RAB31: variants seen among roughly 807,000 people sequenced by gnomAD.
RAB31 encodes RAB31, member RAS oncogene family.
A neutral mutation model predicts 25.6 loss-of-function variants in RAB31; 21 were observed. The observed-to-expected ratio is 0.82, with a 90% confidence interval of 0.58 to 1.18. The LOEUF (loss-of-function observed/expected upper bound fraction) is 1.18, where lower values mean the gene tolerates loss of function less well. Among genes scored for constraint, RAB31 ranks in the 50% most tolerant of loss-of-function variants. RAB31 has a pLI of 0.00. For synonymous variants in RAB31, 87 were observed against 84.0 expected (o/e 1.04, Z -0.20); for missense variants, 196 against 250.1 (o/e 0.78, Z 1.46).
intron 5 of RAB31, among the ~76,000 whole-genome samples, chr18:9,840,844 T>TG (rs2068729791): frequency 6.6e-6 from 1 of 152,168 alleles, no homozygotes; most frequent in Admixed American, 6.5e-5. Context: ...TTCACTAGAA[T>TG]GGACTCACAG....
At chr18:9,818,024 C>T (rs1403892429) in intron 5 of RAB31, among the ~76,000 whole-genome samples, 1 of 152,116 alleles carries the variant, frequency 6.6e-6, no homozygotes, top group African/African-American at 2.4e-5. Flanking sequence ...GAATGTGGCT[C>T]CTCAAGATCC....
intron 6 of RAB31, among the ~76,000 whole-genome samples, chr18:9,858,062 G>A (rs1432199322): frequency 6.6e-6 from 1 of 152,136 alleles, no homozygotes; most frequent in Non-Finnish European, 1.5e-5. Flanking sequence ...TTTAGAGCTA[G>A]TGTTTCATGC....
At chr18:9,757,516 T>C (rs1650655373) in intron 1 of RAB31, among the ~76,000 whole-genome samples, 1 of 152,200 alleles carries the variant, frequency 6.6e-6, no homozygotes, top group Non-Finnish European at 1.5e-5. Flanking sequence ...TCCTGCAGAT[T>C]CCTTTTTTGG....
In RAB31 at chr18:9,758,985, A is replaced by G. The variant is rs113061292; in HGVS notation, c.40-16293A>G. 9.7e-3 allele frequency among the ~76,000 whole-genome samples: 1,480 copies of G among 152,194 alleles called. 16 individuals carry two copies. Among genetic ancestry groups the G allele is most frequent in the Non-Finnish European group, 0.016 (1,094 of 68,000 alleles). On this transcript the variant is annotated intron_variant, in intron 1 of 6. Transcript: ENST00000578921. ...ACAGGAAGTAGGGCAGTAGAAGATTAGACAGAATTGATAATCTTTGAGATC... is the reference window on the plus strand; with the variant it reads ...ACAGGAAGTAGGGCAGTAGAAGATTGGACAGAATTGATAATCTTTGAGATC...
chr18:9,825,429 GA>G (rs1420024620), intron 5 of RAB31, among the ~76,000 whole-genome samples: 7 of 151,800 alleles, frequency 4.6e-5, no homozygotes, highest in African/African-American at 1.7e-4. Flanking sequence ...GTCTTGCAAA[GA>G]AAAAAAGAGA....
chr18:9,751,012 A>C (rs1000574616), intron 1 of RAB31, among the ~76,000 whole-genome samples: 1 of 151,974 alleles, frequency 6.6e-6, no homozygotes, highest in Non-Finnish European at 1.5e-5. Flanking sequence ...TTTTTCTTTC[A>C]TGCCTCTTTT....
chr18:9,822,912 C>A (rs2068630950), intron 5 of RAB31, among the ~76,000 whole-genome samples: 1 of 152,148 alleles, frequency 6.6e-6, no homozygotes, highest in African/African-American at 2.4e-5. Context: ...CATTCACGGG[C>A]ATTTATCCTG....
chr18:9,849,447 A>T (rs77543199), intron 6 of RAB31: 1 of 152,118 alleles, frequency 6.6e-6, no homozygotes, highest in South Asian at 2.1e-4. Context: ...AAGAACAGCA[A>T]ATTAGACAAG....
At chr18:9,825,825 C>T (rs1438103314) in intron 5 of RAB31, among the ~76,000 whole-genome samples, 1 of 152,158 alleles carries the variant, frequency 6.6e-6, no homozygotes, top group Non-Finnish European at 1.5e-5. Context: ...TTATCCTAAG[C>T]AAATTAATCC....
intron 3 of RAB31, among the ~76,000 whole-genome samples, chr18:9,796,943 T>C (rs1568181394): frequency 2.0e-5 from 3 of 152,188 alleles, no homozygotes; most frequent in Non-Finnish European, 4.4e-5. Context: ...ATAAAACACA[T>C]TTTCTTAAAA....
intron 3 of RAB31, among the ~76,000 whole-genome samples, chr18:9,795,182 A>G (rs1015613896): frequency 5.3e-5 from 8 of 152,254 alleles, no homozygotes; most frequent in Non-Finnish European, 1.0e-4. Flanking sequence ...ATAATTGGCA[A>G]TCCACATGTA....
intron 1 of RAB31, among the ~76,000 whole-genome samples, chr18:9,716,239 G>A (rs1366700929): frequency 6.6e-6 from 1 of 152,130 alleles, no homozygotes; most frequent in African/African-American, 2.4e-5. Flanking sequence ...GTGTCTGATT[G>A]TTTCCTCATT....
At chr18:9,852,324 A>C (rs2068793158) in intron 6 of RAB31, among the ~76,000 whole-genome samples, 2 of 152,358 alleles carry the variant, frequency 1.3e-5, no homozygotes, top group South Asian at 4.1e-4. Flanking sequence ...CATATTAATT[A>C]CTATCATCAA....
chr18:9,753,148 T>C (rs981506986), intron 1 of RAB31, among the ~76,000 whole-genome samples: 2 of 152,226 alleles, frequency 1.3e-5, no homozygotes, highest in East Asian at 1.9e-4. Flanking sequence ...TGCTCAATTA[T>C]AAGAAATGAA....
chr18:9,764,284 G>A (rs928075431), intron 1 of RAB31, among the ~76,000 whole-genome samples: 13 of 152,178 alleles, frequency 8.5e-5, no homozygotes, highest in African/African-American at 1.7e-4. Context: ...CTCACTGCAG[G>A]AATCAGGACA....
chr18:9,857,094 T>G (rs2068820002), intron 6 of RAB31, among the ~76,000 whole-genome samples: 1 of 152,226 alleles, frequency 6.6e-6, no homozygotes, highest in African/African-American at 2.4e-5. Flanking sequence ...GCAAAAGCTC[T>G]GTAGATCTCT....
At position 9,852,732 on chromosome 18, in the gene RAB31, G is replaced by A. The variant is rs150229546; in HGVS notation, c.491-6496G>A. 4.8e-3 allele frequency among the ~76,000 whole-genome samples: 729 copies of A among 152,160 alleles called. 6 individuals are homozygous for A. The highest frequency in any genetic ancestry group is 0.017 in the African/African-American group (706 of 41,482). On this transcript the variant is annotated intron_variant, in intron 6 of 6. Transcript: ENST00000578921. ...TGAGTATTCATTTACAAGTCTTTGT[G>A]TGTGTAAATACTATGGATTGGAATG... is the stretch of plus-strand genomic sequence containing the variant.
At chr18:9,803,443 A>C (rs557858461) in intron 3 of RAB31, among the ~76,000 whole-genome samples, 19 of 152,146 alleles carry the variant, frequency 1.2e-4, no homozygotes, top group African/African-American at 3.6e-4. Flanking sequence ...AGGTCTCACT[A>C]TACTGTCCAG....
chr18:9,855,211 G>A (rs774515246), intron 6 of RAB31, among the ~76,000 whole-genome samples: 19 of 151,774 alleles, frequency 1.3e-4, no homozygotes, highest in East Asian at 3.9e-4. Flanking sequence ...TAAAACCTGC[G>A]TTTCCTCTAG....
Sources: allele counts gnomAD v4.1 joint callset (sites outside exome capture counted in the v4.1 genomes callset), GRCh38; gene constraint gnomAD v4.1.1; transcripts MANE v1.5; gene names NCBI Gene and HGNC (gene_info 2026-07-23, HGNC 2026-07-21).